The following CSMD1 variants were observed in gnomAD, a reference collection of about 807,000 sequenced individuals.
CSMD1 encodes CUB and sushi domain-containing protein 1.
In CSMD1, 213 loss-of-function variants were observed where a neutral mutation model predicts 417.5. That is an observed-to-expected ratio of 0.51 (90% CI 0.46 to 0.57). The LOEUF is 0.57. Ranked by LOEUF, CSMD1 falls within the 20% of genes least tolerant of loss-of-function variation. The pLI is 0.00. For missense variants in CSMD1, 6,923 were observed against 4,529.7 expected (o/e 1.53, Z -15.17); for synonymous variants, 2,862 against 1,736.8 (o/e 1.65, Z -16.11).
intron 15 of CSMD1, among the ~76,000 whole-genome samples, chr8:3,403,683 C>G (rs1585112563): frequency 6.6e-6 from 1 of 152,168 alleles, no homozygotes; most frequent in South Asian, 2.1e-4. Flanking sequence ...GTAGTGTTCA[C>G]TTTAAACTTC....
intron 21 of CSMD1, among the ~76,000 whole-genome samples, chr8:3,355,265 C>A (rs915151078): frequency 2.0e-5 from 3 of 151,830 alleles, no homozygotes; most frequent in Admixed American, 1.3e-4. Flanking sequence ...CCCTTTAACA[C>A]CCTGAGAAAA....
At chr8:3,628,675 G>A (rs1436072316) in intron 7 of CSMD1, among the ~76,000 whole-genome samples, 3 of 152,038 alleles carry the variant, frequency 2.0e-5, no homozygotes, top group Non-Finnish European at 4.4e-5. Flanking sequence ...CAGGCGCCCC[G>A]AGAAGGGGCA....
chr8:3,974,972 T>C (rs867188741), intron 5 of CSMD1, among the ~76,000 whole-genome samples: 77 of 152,298 alleles, frequency 5.1e-4, no homozygotes, highest in African/African-American at 1.7e-3. Context: ...GAATCCAGGA[T>C]TTTCCCTATG....
intron 3 of CSMD1, among the ~76,000 whole-genome samples, chr8:4,339,659 A>G (rs542820028): frequency 1.3e-5 from 2 of 152,236 alleles, no homozygotes; most frequent in African/African-American, 2.4e-5. Context: ...ATGATTCAAT[A>G]TGTTATGTTT....
chr8:3,236,041 C>A (rs1034482212), intron 26 of CSMD1, among the ~76,000 whole-genome samples: 6 of 150,410 alleles, frequency 4.0e-5, no homozygotes, highest in Admixed American at 3.4e-4. Flanking sequence ...CCTCAGTCTC[C>A]GGAGTAGCTG....
At chr8:4,439,544 G>T (rs540641449) in intron 2 of CSMD1, among the ~76,000 whole-genome samples, 3 of 152,136 alleles carry the variant, frequency 2.0e-5, no homozygotes, top group Admixed American at 6.5e-5. Flanking sequence ...ATGTATATTT[G>T]AAGTATGAGT....
intron 57 of CSMD1, among the ~76,000 whole-genome samples, chr8:2,967,551 A>G (rs1428496852): frequency 6.6e-6 from 1 of 151,382 alleles, no homozygotes; most frequent in Non-Finnish European, 1.5e-5. Flanking sequence ...TCCCTTTTTT[A>G]GTCGAGCCTA....
chr8:3,840,993 C>A (rs1803098708), intron 5 of CSMD1, among the ~76,000 whole-genome samples: 1 of 152,076 alleles, frequency 6.6e-6, no homozygotes, highest in Non-Finnish European at 1.5e-5. Context: ...AGGCATGAAC[C>A]ACTGCAGCTG....
At chr8:4,071,683 A>T (rs1185722876) in intron 3 of CSMD1, among the ~76,000 whole-genome samples, 1 of 152,122 alleles carries the variant, frequency 6.6e-6, no homozygotes, top group Non-Finnish European at 1.5e-5. Flanking sequence ...GGAATTGTGA[A>T]TTTGGTTTAT....
chr8:4,068,901 A>G (rs897667956), intron 3 of CSMD1, among the ~76,000 whole-genome samples: 3 of 152,230 alleles, frequency 2.0e-5, no homozygotes, highest in Admixed American at 6.5e-5. Flanking sequence ...ATATGGTTAT[A>G]ATAACCAAAT....
chr8:3,719,083 G>A (rs753450268), intron 6 of CSMD1, among the ~76,000 whole-genome samples: 8 of 152,138 alleles, frequency 5.3e-5, no homozygotes, highest in South Asian at 2.1e-4. Context: ...GAAAACAGAG[G>A]TGTCTCAGAC....
intron 1 of CSMD1, among the ~76,000 whole-genome samples, chr8:4,643,676 T>A (rs1245332231): frequency 6.6e-6 from 1 of 152,214 alleles, no homozygotes; most frequent in East Asian, 1.9e-4. Context: ...AGTGGAAGTT[T>A]CCCTGATCAG....
chr8:4,612,210 C>G (rs1173830193), intron 2 of CSMD1, among the ~76,000 whole-genome samples: 1 of 152,116 alleles, frequency 6.6e-6, no homozygotes, highest in African/African-American at 2.4e-5. Flanking sequence ...GGCACACTGC[C>G]TTCATCACCT....
chr8:3,648,889 G>A (rs958588434), intron 7 of CSMD1, among the ~76,000 whole-genome samples: 4 of 152,192 alleles, frequency 2.6e-5, no homozygotes, highest in African/African-American at 4.8e-5. Flanking sequence ...CTGGTAGCTA[G>A]TGTTTTCTAT....
intron 2 of CSMD1, among the ~76,000 whole-genome samples, chr8:4,460,897 G>C (rs1041820487): frequency 6.6e-6 from 1 of 152,076 alleles, no homozygotes; most frequent in South Asian, 2.1e-4. Flanking sequence ...AAATAGAAGA[G>C]GGATCACATT....
intron 3 of CSMD1, among the ~76,000 whole-genome samples, chr8:4,099,778 C>T (rs750651201): frequency 1.4e-4 from 21 of 152,276 alleles, no homozygotes; most frequent in Admixed American, 3.9e-4. Flanking sequence ...CCAGCCACTT[C>T]CCTTATGATA....
chr8:4,833,228 T>C (rs900665863), intron 1 of CSMD1, among the ~76,000 whole-genome samples: 1 of 152,164 alleles, frequency 6.6e-6, no homozygotes, highest in African/African-American at 2.4e-5. Flanking sequence ...ATTAACTGAC[T>C]CACAATTCCA....
At chr8:2,992,711 C>A (rs1227834095) in intron 54 of CSMD1, among the ~76,000 whole-genome samples, 1 of 151,966 alleles carries the variant, frequency 6.6e-6, no homozygotes, top group Non-Finnish European at 1.5e-5. Flanking sequence ...AGGCGTGAGC[C>A]ACCATGCCCA....
intron 1 of CSMD1, among the ~76,000 whole-genome samples, chr8:4,859,699 ACC>A (rs1345409709): frequency 1.3e-5 from 2 of 152,028 alleles, no homozygotes; most frequent in Non-Finnish European, 2.9e-5. Flanking sequence ...GCAAATCAAA[ACC>A]ACAATGAGAT....
Sources: allele counts gnomAD v4.1 joint callset (sites outside exome capture counted in the v4.1 genomes callset), GRCh38; gene constraint gnomAD v4.1.1; transcripts MANE v1.5; gene names NCBI Gene and HGNC (gene_info 2026-07-23, HGNC 2026-07-21).